The following ADCY2 variants were observed in gnomAD, a reference collection of about 807,000 sequenced individuals.
ADCY2 encodes the protein adenylate cyclase type 2.
A neutral mutation model predicts 125.2 loss-of-function variants in ADCY2; 31 were observed. The ratio of observed to expected loss-of-function variants is 0.25; its 90% CI spans 0.19 to 0.33. The LOEUF (loss-of-function observed/expected upper bound fraction) is 0.33, where lower values mean the gene tolerates loss of function less well. ADCY2 is among the 10% of genes least tolerant of loss of function. The pLI is 1.00. For missense variants in ADCY2, 904 were observed against 1,418.2 expected (o/e 0.64, Z 5.82); for synonymous variants, 512 against 548.4 (o/e 0.93, Z 0.93).
chr5:7,804,768 C>A, intron 22 of ADCY2, 76 bp downstream of exon 22: 1 of 1,007,582 alleles, frequency 9.9e-7, no homozygotes, highest in Non-Finnish European at 1.6e-6. Flanking sequence ...CCAAAACAGC[C>A]ATGAAATGCC....
intron 3 of ADCY2, among the ~76,000 whole-genome samples, chr5:7,571,775 C>G (rs960463274): frequency 2.6e-5 from 4 of 152,014 alleles, no homozygotes; most frequent in African/African-American, 9.7e-5. Flanking sequence ...TTTTCCTGAT[C>G]CTCTCCCTCC....
In ADCY2 at chr5:7,789,559, T is replaced by C. The variant is rs919994300; in HGVS notation, c.2470-83T>C. On this transcript the variant is annotated intron_variant, in intron 19 of 24. Transcript: ENST00000338316. The stretch of plus-strand genomic sequence containing the variant: ...TTCTTTTTTCGGTTTCATTTTGTTC[T>C]TTTTGTTTTCTCTTTAAAACCTCCA... The C allele has an allele frequency of 1.0e-5, 14 of 1,405,136 alleles. No homozygotes were observed. In the African/African-American group the frequency reaches 1.8e-4, roughly 18 times the overall value. 87.0% of individuals were successfully genotyped at this position (1,405,136 alleles called of 1,614,324 possible). A position where few individuals can be genotyped will look rare whatever the true frequency, so the allele number is the denominator to read the frequency against.
At chr5:7,731,479 C>T (rs188485532) in intron 14 of ADCY2, among the ~76,000 whole-genome samples, 2 of 152,246 alleles carry the variant, frequency 1.3e-5, no homozygotes, top group Admixed American at 1.3e-4. Flanking sequence ...TGGTCTTGAA[C>T]TCCTGACCTC....
chr5:7,643,653 C>A (rs946853163), intron 4 of ADCY2, among the ~76,000 whole-genome samples: 4 of 151,644 alleles, frequency 2.6e-5, no homozygotes, highest in African/African-American at 9.7e-5. Flanking sequence ...TAATCCATGA[C>A]ATTTTGATTT....
At chr5:7,477,048 C>T (rs1013535407) in intron 2 of ADCY2, among the ~76,000 whole-genome samples, 11 of 152,088 alleles carry the variant, frequency 7.2e-5, no homozygotes, top group Admixed American at 3.3e-4. Context: ...TCTGCGAATA[C>T]GTTCTCCAGC....
At chr5:7,766,573 A>G in intron 16 of ADCY2, 114 bp from the exon 17 acceptor site, 2 of 1,066,402 alleles carry the variant, frequency 1.9e-6, no homozygotes, top group Non-Finnish European at 2.7e-6. Flanking sequence ...GAGTCCACAT[A>G]AACAATCCTG....
At chr5:7,760,437 C>A (rs553646146) in intron 16 of ADCY2, among the ~76,000 whole-genome samples, 14 of 152,264 alleles carry the variant, frequency 9.2e-5, no homozygotes, top group African/African-American at 2.9e-4. Flanking sequence ...TACTCAGAAC[C>A]CTTGGGTGAC....
chr5:7,522,532 CT>C (rs1744482403), intron 3 of ADCY2: 1 of 152,134 alleles, frequency 6.6e-6, no homozygotes, highest in Non-Finnish European at 1.5e-5. Context: ...CTTCCATCTT[CT>C]CGTTTATTTG....
At chr5:7,570,395 A>G (rs1736030968) in intron 3 of ADCY2, among the ~76,000 whole-genome samples, 1 of 152,082 alleles carries the variant, frequency 6.6e-6, no homozygotes, top group South Asian at 2.1e-4. Flanking sequence ...TTTCTTCAAC[A>G]TTTCATGTAA....
At chr5:7,401,103 T>A (rs1739246811) in intron 1 of ADCY2, among the ~76,000 whole-genome samples, 4 of 152,208 alleles carry the variant, frequency 2.6e-5, no homozygotes, top group Admixed American at 2.6e-4. Flanking sequence ...TTTCCTTGTT[T>A]GTAAAATGGC....
chr5:7,411,806 T>G (rs1219454983), intron 1 of ADCY2, among the ~76,000 whole-genome samples: 1 of 152,026 alleles, frequency 6.6e-6, no homozygotes, highest in Non-Finnish European at 1.5e-5. Context: ...CCGGGCGCGG[T>G]GGCTCACGCC....
intron 12 of ADCY2, among the ~76,000 whole-genome samples, chr5:7,721,429 T>C (rs1255028340): frequency 2.0e-5 from 3 of 152,246 alleles, no homozygotes; most frequent in East Asian, 1.9e-4. Flanking sequence ...ATTTTGGCTT[T>C]TGTTGCCATC....
chr5:7,646,939 T>C (rs1339701394), intron 4 of ADCY2, among the ~76,000 whole-genome samples: 1 of 152,178 alleles, frequency 6.6e-6, no homozygotes, highest in Non-Finnish European at 1.5e-5. Flanking sequence ...TTGGGAACAC[T>C]TGGTCTTGGG....
chr5:7,428,608 G>A lies in ADCY2; in HGVS notation c.408+13838G>A, dbSNP rs189261393. ...TATTGTCCAATAAATTCAAAGCTGA[G>A]ATTAATAAGTATTCTGTTAAAACCA... On this transcript the variant is annotated intron_variant, in intron 2 of 24. Coordinates refer to ENST00000338316, the MANE Select transcript of ADCY2 (RefSeq NM_020546.3). Among the ~76,000 whole-genome samples, 5 of 152,274 alleles carry A rather than the reference G, an allele frequency of 3.3e-5. No homozygotes were observed. The East Asian group carries it at 9.6e-4, about 29-fold the overall frequency.
intron 2 of ADCY2, among the ~76,000 whole-genome samples, chr5:7,464,475 C>G (rs1174964200): frequency 1.3e-5 from 2 of 152,198 alleles, no homozygotes; most frequent in Non-Finnish European, 2.9e-5. Flanking sequence ...GTTCTCCCAG[C>G]TTGGTCCTGC....
intron 3 of ADCY2, among the ~76,000 whole-genome samples, chr5:7,603,784 CTTTT>C: frequency 2.1e-4 from 13 of 62,798 alleles, no homozygotes; most frequent in African/African-American, 3.4e-4. Context: ...TGCTCTCTTT[CTTTT>C]TTTTTTTTTT....
intron 16 of ADCY2, among the ~76,000 whole-genome samples, chr5:7,761,148 C>CTTTTTTTTTTT (rs367998018): frequency 6.5e-4 from 57 of 88,158 alleles, no homozygotes; most frequent in African/African-American, 1.2e-3. Flanking sequence ...CTTTTCTTTT[C>CTTTTTTTTTTT]TTTTTTTTTT....
intron 3 of ADCY2, among the ~76,000 whole-genome samples, chr5:7,594,274 A>G (rs1579610574): frequency 6.6e-6 from 1 of 152,224 alleles, no homozygotes; most frequent in African/African-American, 2.4e-5. Flanking sequence ...AAGTGGTAGG[A>G]GGTATTCAGT....
At chr5:7,780,849 A>C in intron 18 of ADCY2, among the ~76,000 whole-genome samples, 1 of 151,792 alleles carries the variant, frequency 6.6e-6, no homozygotes, top group East Asian at 1.9e-4. Context: ...CAATTCCTCC[A>C]TCTCCCTCAC....
Sources: gnomAD v4.1 joint callset for allele counts (sites outside exome capture counted in the v4.1 genomes callset) on GRCh38, gnomAD v4.1.1 for gene constraint, MANE v1.5 for transcripts, NCBI Gene and HGNC (gene_info 2026-07-23, HGNC 2026-07-21) for gene names.